Variants in SPIDR observed in about 807,000 individuals in gnomAD.
The protein encoded by SPIDR is scaffold protein involved in DNA repair.
In SPIDR, 93 loss-of-function variants were observed where a neutral mutation model predicts 104.6. That is an observed-to-expected ratio of 0.89 (90% CI 0.75 to 1.06). The LOEUF is 1.06. Ranked by LOEUF, SPIDR falls within the 50% of genes least tolerant of loss-of-function variation. SPIDR has a pLI of 0.00. For missense variants in SPIDR, 1,154 were observed against 1,111.2 expected (o/e 1.04, Z -0.55); for synonymous variants, 431 against 416.9 (o/e 1.03, Z -0.41).
rs188842315 is a variant in SPIDR, at chr8:47,310,639, G to A, written c.525+16609G>A. ...CAGAACTCGGTCATTGGTTGTGTAG[G>A]TGACGGAAGCTTGAATAAAAACCAC... On this transcript the variant is annotated intron_variant, in intron 5 of 19. Coordinates refer to ENST00000297423, the MANE Select transcript of SPIDR (RefSeq NM_001080394.4). Among the ~76,000 whole-genome samples the A allele has an allele frequency of 1.6e-4, 24 of 152,200 alleles. No homozygotes were observed. In the East Asian group the frequency reaches 4.5e-3, roughly 28 times the overall value.
At chr8:47,333,842 C>A (rs1466296051) in intron 5 of SPIDR, among the ~76,000 whole-genome samples, 3 of 152,162 alleles carry the variant, frequency 2.0e-5, no homozygotes, top group Admixed American at 6.5e-5. Flanking sequence ...TGTAATCTTA[C>A]AAGACCAGCG....
chr8:47,632,969 C>T (rs1488155862), intron 10 of SPIDR, among the ~76,000 whole-genome samples: 1 of 152,192 alleles, frequency 6.6e-6, no homozygotes, highest in Non-Finnish European at 1.5e-5. Flanking sequence ...ACCTTCAAGC[C>T]AACAAGGGCA....
In SPIDR at chr8:47,498,150, T is replaced by C. The variant is rs1190163284; in HGVS notation, c.1097+57608T>C. On this transcript the variant is annotated intron_variant, in intron 8 of 19. Transcript: ENST00000297423. ...AAAAAGACCGATGTGTGTTTTCTTA[T>C]AAGACTGGAGGACAGATGATGCCTC... Among the ~76,000 whole-genome samples, 3 of 152,332 alleles carry C rather than the reference T, an allele frequency of 2.0e-5. No individual in the cohort carries two copies. In the East Asian group the frequency reaches 5.8e-4, roughly 29 times the overall value.
At chr8:47,268,267 T>G (rs2034506343) in intron 1 of SPIDR, among the ~76,000 whole-genome samples, 1 of 152,190 alleles carries the variant, frequency 6.6e-6, no homozygotes, top group East Asian at 1.9e-4. Context: ...AAATTAGAAG[T>G]GTGAGTTTCT....
chr8:47,656,692 C>T (rs2072885461), intron 10 of SPIDR, among the ~76,000 whole-genome samples: 1 of 152,146 alleles, frequency 6.6e-6, no homozygotes, highest in South Asian at 2.1e-4. Flanking sequence ...AACGTATATC[C>T]ATGTAACTTC....
intron 8 of SPIDR, among the ~76,000 whole-genome samples, chr8:47,487,351 A>C (rs113547759): frequency 0.02 from 3,096 of 152,272 alleles, 65 homozygotes; most frequent in Non-Finnish European, 0.025. Context: ...CCAGACTCAT[A>C]AAGCAAGTCC....
In SPIDR at chr8:47,712,666, A is replaced by G; in HGVS notation, c.1982A>G (p.Lys661Arg). ...ATVIYQKPQL[K>R]SLLLLEQREI... ...TATTGTGTCTTCAAATTGTAGCTGA[A>G]GAGTCTGCTGCTTCTGGAGCAAAGG... The change falls in exon 15 of 20, where the codon AAG becomes AGG. Residue 661 changes from lysine to arginine, a missense_variant. Coordinates refer to ENST00000297423, the MANE Select transcript of SPIDR (RefSeq NM_001080394.4). 6.2e-7 allele frequency: 1 copy of G among 1,613,542 alleles called. No homozygotes were observed. The highest frequency in any genetic ancestry group is 8.5e-7 in the Non-Finnish European group (1 of 1,179,728).
intron 5 of SPIDR, among the ~76,000 whole-genome samples, chr8:47,375,422 A>G (rs2058547886): frequency 6.6e-6 from 1 of 151,404 alleles, no homozygotes; most frequent in Non-Finnish European, 1.5e-5. Context: ...TTGTATTTTT[A>G]GTAGAGACGG....
chr8:47,595,717 G>C, intron 8 of SPIDR, 94 bp from the exon 9 acceptor site: 1 of 1,211,368 alleles, frequency 8.3e-7, no homozygotes, highest in Non-Finnish European at 1.2e-6. Flanking sequence ...GTCCATAGCA[G>C]GCGAGTCATT....
At chr8:47,362,495 A>AAAC (rs1554630840) in intron 5 of SPIDR, among the ~76,000 whole-genome samples, 3 of 152,212 alleles carry the variant, frequency 2.0e-5, no homozygotes, top group Non-Finnish European at 2.9e-5. Flanking sequence ...ACACATTGGT[A>AAAC]TGCCAGATCT....
intron 8 of SPIDR, among the ~76,000 whole-genome samples, chr8:47,523,950 T>C (rs2154381630): frequency 6.6e-6 from 1 of 152,190 alleles, no homozygotes; most frequent in African/African-American, 2.4e-5. Context: ...TCCACACACC[T>C]ATGAAAAAAC....
intron 8 of SPIDR, among the ~76,000 whole-genome samples, chr8:47,560,948 C>CT (rs1183954757): frequency 2.0e-5 from 3 of 152,160 alleles, no homozygotes; most frequent in Non-Finnish European, 4.4e-5. Flanking sequence ...CTGGGTGTAG[C>CT]GTTAGATTAC....
intron 8 of SPIDR, among the ~76,000 whole-genome samples, chr8:47,563,749 A>G (rs1362452527): frequency 6.6e-6 from 1 of 152,210 alleles, no homozygotes; most frequent in Non-Finnish European, 1.5e-5. Flanking sequence ...ATTTTATTCT[A>G]ATTCTGGGAG....
chr8:47,349,111 A>G (rs576921385), intron 5 of SPIDR, among the ~76,000 whole-genome samples: 5 of 152,274 alleles, frequency 3.3e-5, no homozygotes, highest in Admixed American at 1.3e-4. Context: ...GTCTTTGATG[A>G]TGGTGACCTA....
intron 5 of SPIDR, among the ~76,000 whole-genome samples, chr8:47,317,071 G>C (rs1321599582): frequency 2.0e-5 from 3 of 152,138 alleles, no homozygotes; most frequent in Non-Finnish European, 2.9e-5. Flanking sequence ...TAAGGTACTG[G>C]GTTCATCTCA....
chr8:47,407,906 A>T lies in SPIDR; in HGVS notation c.822A>T (p.Arg274Ser). 2 of 1,606,624 alleles carry T rather than the reference A, an allele frequency of 1.2e-6. No individual in the cohort carries two copies. Among genetic ancestry groups the T allele is most frequent in the Non-Finnish European group, 1.7e-6 (2 of 1,175,106 alleles). ...ERLNGLQNRE[R>S]SAISLWRHQC... is the part of the protein sequence containing the mutation. ...TAAATGGACTGCAGAATCGAGAGAG[A>T]TCTGCTATTTCTTTGTGGAGACATC... Residue 274 changes from arginine (R) to serine (S), a missense_variant, in exon 7 of 20, where the codon AGA becomes AGT. Coordinates refer to ENST00000297423, the MANE Select transcript of SPIDR (RefSeq NM_001080394.4).
intron 8 of SPIDR, among the ~76,000 whole-genome samples, chr8:47,506,162 A>G (rs1264486025): frequency 6.6e-6 from 1 of 152,172 alleles, no homozygotes; most frequent in Non-Finnish European, 1.5e-5. Flanking sequence ...TAAGCAGAAC[A>G]TGTTTGGCTG....
At chr8:47,699,450 A>G (rs1352478775) in intron 11 of SPIDR, among the ~76,000 whole-genome samples, 3 of 152,194 alleles carry the variant, frequency 2.0e-5, no homozygotes, top group Non-Finnish European at 4.4e-5. Context: ...GGCTCAGGTA[A>G]AGGTTAGAGC....
At chr8:47,446,310 C>T (rs1197895114) in intron 8 of SPIDR, among the ~76,000 whole-genome samples, 1 of 152,094 alleles carries the variant, frequency 6.6e-6, no homozygotes, top group South Asian at 2.1e-4. Flanking sequence ...ATAAATGGAA[C>T]AATAAAACCT....
Sources: allele counts gnomAD v4.1 joint callset (sites outside exome capture counted in the v4.1 genomes callset), GRCh38; gene constraint gnomAD v4.1.1; transcripts MANE v1.5; gene names NCBI Gene and HGNC (gene_info 2026-07-23, HGNC 2026-07-21).